The following TNPO2 variants were observed in gnomAD, a reference collection of about 807,000 sequenced individuals.
TNPO2 encodes the protein transportin-2.
Under a neutral mutation model 111.1 loss-of-function variants are expected in TNPO2, and 16 were observed. The ratio of observed to expected loss-of-function variants is 0.14; its 90% CI spans 0.10 to 0.22. The LOEUF is 0.22. Ranked by LOEUF, TNPO2 falls within the 10% of genes least tolerant of loss-of-function variation. The pLI is 1.00. For missense variants in TNPO2, 530 were observed against 1,173.7 expected, an observed-to-expected ratio of 0.45 and a Z score of 8.01; for synonymous variants, 481 against 475.8, an observed-to-expected ratio of 1.01 and a Z score of -0.14.
chr19:12,712,962 C>G (rs1211124138), intron 10 of TNPO2, among the ~76,000 whole-genome samples: 1 of 152,156 alleles, frequency 6.6e-6, no homozygotes, highest in Non-Finnish European at 1.5e-5. Flanking sequence ...CACAGCTCAC[C>G]ACAGCCTCAT....
At chr19:12,720,059 T>G (rs907545374) in intron 3 of TNPO2, among the ~76,000 whole-genome samples, 2 of 152,042 alleles carry the variant, frequency 1.3e-5, no homozygotes, top group African/African-American at 2.4e-5. Context: ...CTCTGTCACT[T>G]AGGCTGGAGT....
rs200277390 is a variant in TNPO2 at position 12,701,894 on chromosome 19, C to T, written c.2412-43G>A. 1 of 1,562,806 alleles carries T rather than the reference C, an allele frequency of 6.4e-7. No homozygotes were observed. The highest frequency in any genetic ancestry group is 8.8e-7 in the Non-Finnish European group (1 of 1,136,362). On this transcript the variant is annotated intron_variant, in intron 22 of 25. Transcript: ENST00000425528. The surrounding 1 kb of genome is among the most constrained non-coding windows in gnomAD (Gnocchi z 5.0). ...GCTGGAGGTCAGAGGGCAGGCTGGG[C>T]ATGCATCTGTGGAGGGCTGGGTCAC...
chr19:12,718,313 G>A (rs887335140), intron 5 of TNPO2, among the ~76,000 whole-genome samples: 3 of 151,704 alleles, frequency 2.0e-5, no homozygotes, highest in Non-Finnish European at 4.4e-5. Flanking sequence ...CCACAGGCGA[G>A]TGCCACCACG....
rs533413670 is a variant in TNPO2 at position 12,711,820 on chromosome 19, G to A, written c.891-207C>T. On this transcript the variant is annotated intron_variant, in intron 10 of 25. Transcript: ENST00000425528. ...GAATTATCGGAATCTAGTCTCTGCC[G>A]CTATGATTAGGATATAAATGATACC... Among the ~76,000 whole-genome samples, 21 of 151,620 alleles carry A rather than the reference G, an allele frequency of 1.4e-4. No individual in the cohort carries two copies. In the South Asian group the frequency reaches 3.8e-3, roughly 27 times the overall value.
At position 12,715,852 on chromosome 19, in the gene TNPO2, C is replaced by T; in HGVS notation, c.326-113G>A. 1.3e-6 allele frequency: 1 copy of T among 752,576 alleles called. No homozygotes were observed. The highest frequency in any genetic ancestry group is 2.7e-5 in the East Asian group (1 of 37,094). 46.6% of individuals were successfully genotyped at this position (752,576 alleles called of 1,614,324 possible). Reference sequence around the variant, plus strand: ...TTTCTGTTCCCTAGCCCATGTACGCCCTCTACATCCCCCCTCCTTTTTTTT... The same window carrying T: ...TTTCTGTTCCCTAGCCCATGTACGCTCTCTACATCCCCCCTCCTTTTTTTT... On this transcript the variant is annotated intron_variant, in intron 5 of 25. Transcript: ENST00000425528. The surrounding 1 kb of genome is among the most constrained non-coding windows in gnomAD (Gnocchi z 7.1).
chr19:12,701,138 T>G lies in TNPO2; in HGVS notation c.*126A>C. Reference sequence around the variant, plus strand: ...CGGACGGACGGGGAAGGCATCTGGATTTGAGTCCCACTCACTCCTCCCTAA... The same window carrying G: ...CGGACGGACGGGGAAGGCATCTGGAGTTGAGTCCCACTCACTCCTCCCTAA... On this transcript the variant is annotated 3_prime_UTR_variant, in exon 26 of 26. Coordinates refer to ENST00000425528, the MANE Select transcript of TNPO2 (RefSeq NM_001382241.1). This position sits in a 1 kb window ranked among gnomAD's most constrained non-coding sequence, Gnocchi z 5.0. 1 of 511,534 alleles carries G rather than the reference T, an allele frequency of 2.0e-6. No individual in the cohort carries two copies. The highest frequency in any genetic ancestry group is 3.5e-6 in the Non-Finnish European group (1 of 287,952). 31.7% of individuals were successfully genotyped at this position (511,534 alleles called of 1,614,324 possible).
Position 12,701,737 on chromosome 19 carries a change from C to A in TNPO2, c.2511+15G>T. 6.2e-7 allele frequency: 1 copy of A among 1,613,508 alleles called. No individual in the cohort carries two copies. The highest frequency in any genetic ancestry group is 1.7e-5 in the Admixed American group (1 of 60,028). ...CCAGCGCCCGCGCCTGCCCTCAGAG[C>A]CCAGCTGCCCCAACCTGCACAACGC... On this transcript the variant is annotated intron_variant, in intron 23 of 25. Coordinates refer to ENST00000425528, the MANE Select transcript of TNPO2 (RefSeq NM_001382241.1). This position sits in a 1 kb window ranked among gnomAD's most constrained non-coding sequence, Gnocchi z 5.0.
rs1742300293 is a variant in TNPO2, at chr19:12,719,482, G to C, written c.100-146C>G. On this transcript the variant is annotated intron_variant, in intron 3 of 25. Transcript: ENST00000425528. This position sits in a 1 kb window ranked among gnomAD's most constrained non-coding sequence, Gnocchi z 5.0. ...TCCCTAATAAGCCCACAATGACACA[G>C]AGCACCTCAGACACGTCAAATTCAT... 1.4e-6 allele frequency: 1 copy of C among 704,452 alleles called. No homozygotes were observed. Among genetic ancestry groups the C allele is most frequent in the East Asian group, 2.7e-5 (1 of 36,916 alleles). 43.6% of individuals were successfully genotyped at this position (704,452 alleles called of 1,614,324 possible). A position where few individuals can be genotyped will look rare whatever the true frequency, so the allele number is the denominator to read the frequency against.
Position 12,701,731 on chromosome 19 carries a change from T to C in TNPO2, c.2511+21A>G, listed in dbSNP as rs1375783778. The C allele has an allele frequency of 1.2e-6, 2 of 1,613,262 alleles. No homozygotes were observed. The highest frequency in any genetic ancestry group is 2.7e-5 in the African/African-American group (2 of 74,908). Reference sequence around the variant, plus strand: ...CCGAGCCCAGCGCCCGCGCCTGCCCTCAGAGCCCAGCTGCCCCAACCTGCA... The same window carrying C: ...CCGAGCCCAGCGCCCGCGCCTGCCCCCAGAGCCCAGCTGCCCCAACCTGCA... On this transcript the variant is annotated intron_variant, in intron 23 of 25. Coordinates refer to ENST00000425528, the MANE Select transcript of TNPO2 (RefSeq NM_001382241.1). This position sits in a 1 kb window ranked among gnomAD's most constrained non-coding sequence, Gnocchi z 5.0.
At chr19:12,711,688 A>G in intron 10 of TNPO2, 75 bp from the exon 11 acceptor site, 4 of 1,326,454 alleles carry the variant, frequency 3.0e-6, no homozygotes, top group Non-Finnish European at 4.2e-6. Flanking sequence ...CTTGGGGAGG[A>G]GGCAAACAGG....
rs2025569478 is a variant in TNPO2 at position 12,705,210 on chromosome 19, G to A, written c.2022+30C>T. The A allele has an allele frequency of 6.3e-7, 1 of 1,586,664 alleles. No homozygotes were observed. The highest frequency in any genetic ancestry group is 8.6e-7 in the Non-Finnish European group (1 of 1,166,870). On this transcript the variant is annotated intron_variant, in intron 18 of 25. Transcript: ENST00000425528. The surrounding 1 kb of genome is among the most constrained non-coding windows in gnomAD (Gnocchi z 7.2). The stretch of plus-strand genomic sequence containing the variant: ...AGGGGCAGCCCACGCAGGCTGCTGG[G>A]TGTCATCACTGTCCAGGGTCCCCAC...
intron 3 of TNPO2, among the ~76,000 whole-genome samples, 176 bp downstream of exon 3, chr19:12,720,703 C>T (rs193273393): frequency 1.2e-4 from 18 of 152,256 alleles, no homozygotes; most frequent in African/African-American, 3.6e-4. Flanking sequence ...TAACAATCCC[C>T]GCAGCTCTGG....
At chr19:12,713,354 T>A (rs1222040196) in intron 10 of TNPO2, among the ~76,000 whole-genome samples, 1 of 151,984 alleles carries the variant, frequency 6.6e-6, no homozygotes, top group Non-Finnish European at 1.5e-5. Flanking sequence ...TATCAATAAT[T>A]TGGGGCCGGG....
At position 12,701,489 on chromosome 19, in the gene TNPO2, C is replaced by A. The variant is rs2025297926; in HGVS notation, c.2587-36G>T. On this transcript the variant is annotated intron_variant, in intron 24 of 25. Coordinates refer to ENST00000425528, the MANE Select transcript of TNPO2 (RefSeq NM_001382241.1). This position sits in a 1 kb window ranked among gnomAD's most constrained non-coding sequence, Gnocchi z 5.0. ...GGTGGTGGTGAGGGGTAGGCAGGGG[C>A]AGAACAAGGGGAGTGCGCCTCTTCC... 1 of 1,603,386 alleles carries A rather than the reference C, an allele frequency of 6.2e-7. No homozygotes were observed. Among genetic ancestry groups the A allele is most frequent in the Non-Finnish European group, 8.5e-7 (1 of 1,170,706 alleles).
At chr19:12,710,245 A>C (rs1280474347) in intron 13 of TNPO2, among the ~76,000 whole-genome samples, 1 of 152,114 alleles carries the variant, frequency 6.6e-6, no homozygotes, top group African/African-American at 2.4e-5. Flanking sequence ...ATCTTTCTGT[A>C]CCTCAGTTTC....
intron 12 of TNPO2, 146 bp from the exon 13 acceptor site, chr19:12,710,919 A>T (rs549298790): frequency 1.0e-6 from 1 of 965,258 alleles, no homozygotes; most frequent in African/African-American, 1.7e-5. Flanking sequence ...TTTGAGACGG[A>T]GTCTCACTTT....
Position 12,721,122 on chromosome 19 carries a change from C to A in TNPO2, c.-13-132G>T. ...GGCGGACAGGCGGAGGCCTCCGATC[C>A]ACGCCCGCCCAAGTGCGGGGTCCCC... is the stretch of plus-strand genomic sequence containing the variant. On this transcript the variant is annotated intron_variant, in intron 2 of 25. Coordinates refer to ENST00000425528, the MANE Select transcript of TNPO2 (RefSeq NM_001382241.1). This position sits in a 1 kb window ranked among gnomAD's most constrained non-coding sequence, Gnocchi z 4.9. 1.3e-6 allele frequency: 2 copies of A among 1,492,496 alleles called. No individual in the cohort carries two copies. Among genetic ancestry groups the A allele is most frequent in the Non-Finnish European group, 8.9e-7 (1 of 1,128,356 alleles). The allele number at this position is 1,492,496 out of a possible 1,614,324, so 92.5% of individuals were successfully genotyped here.
In TNPO2 at chr19:12,702,869, T is replaced by C. The variant is rs16978630; in HGVS notation, c.2259A>G (p.Glu753=). The C allele has an allele frequency of 0.035, 57,056 of 1,613,704 alleles. 8,511 individuals carry two copies. In the African/African-American group the frequency reaches 0.46, roughly 13 times the overall value. The change falls in exon 21 of 26, where the codon GAA becomes GAG. Residue 753 remains glutamate (E), a synonymous_variant. Coordinates refer to ENST00000425528, the MANE Select transcript of TNPO2 (RefSeq NM_001382241.1). This position sits in a 1 kb window ranked among gnomAD's most constrained non-coding sequence, Gnocchi z 5.5. The part of the protein sequence containing the change: ...YVQMVLNNLV[E]IINRPNTPKT... Reference sequence around the variant, plus strand: ...TGGGTGTGTTGGGTCGGTTAATGATTTCCACCAGGTTGTTGAGGACCATCT... The same window carrying C: ...TGGGTGTGTTGGGTCGGTTAATGATCTCCACCAGGTTGTTGAGGACCATCT...
chr19:12,707,588 C>T (rs987698635), intron 13 of TNPO2, among the ~76,000 whole-genome samples: 1 of 132,136 alleles, frequency 7.6e-6, no homozygotes, highest in Non-Finnish European at 1.6e-5. Flanking sequence ...CTCCCGGGTT[C>T]AAGTGATTTC....
Sources: allele counts gnomAD v4.1 joint callset (sites outside exome capture counted in the v4.1 genomes callset), GRCh38; gene constraint gnomAD v4.1.1; non-coding constraint Gnocchi (gnomAD v3.1); transcripts MANE v1.5; gene names NCBI Gene and HGNC (gene_info 2026-07-23, HGNC 2026-07-21).